The following CNTNAP4 variants were observed in gnomAD, a reference collection of about 807,000 sequenced individuals.
CNTNAP4 encodes contactin associated protein family member 4.
CNTNAP4 carries 98 observed loss-of-function variants against 148.4 expected under a neutral mutation model. That is an observed-to-expected ratio of 0.66 (90% confidence interval 0.56 to 0.78). The LOEUF (loss-of-function observed/expected upper bound fraction) is 0.78, where lower values mean the gene tolerates loss of function less well. Among genes scored for constraint, CNTNAP4 ranks in the 30% least tolerant of loss-of-function variants. The pLI is 0.00. For synonymous variants in CNTNAP4, 730 were observed against 565.1 expected (o/e 1.29, Z -4.14); for missense variants, 1,935 against 1,565.6 (o/e 1.24, Z -3.98).
chr16:76,544,220 T>C (rs1470551278), intron 21 of CNTNAP4, among the ~76,000 whole-genome samples: 1 of 152,146 alleles, frequency 6.6e-6, no homozygotes, highest in Non-Finnish European at 1.5e-5. Flanking sequence ...CTTTTTTTTT[T>C]TTGGAGTTGT....
chr16:76,538,332 C>T lies in CNTNAP4; in HGVS notation c.3212C>T (p.Ala1071Val). Reference sequence around the variant, plus strand: ...AAAGAATACCTTTCTGTGATCATTGCCAAAAATGGTGAGTTCTTTTTAGAT... The same window carrying T: ...AAAGAATACCTTTCTGTGATCATTGTCAAAAATGGTGAGTTCTTTTTAGAT... ...FYKEYLSVII[A>V]KNGSLQIRYK... The change falls in exon 19 of 24, where the codon GCC becomes GTC. Residue 1071 changes from alanine to valine, a missense_variant. By Grantham distance (64) the Ala-to-Val change is moderately conservative. Transcript: ENST00000611870. The T allele has an allele frequency of 1.3e-6, 2 of 1,598,896 alleles. No homozygotes were observed. Among genetic ancestry groups the T allele is most frequent in the Non-Finnish European group, 1.7e-6 (2 of 1,173,634 alleles).
intron 3 of CNTNAP4, among the ~76,000 whole-genome samples, chr16:76,367,968 C>T (rs1016124922): frequency 1.3e-5 from 2 of 152,168 alleles, no homozygotes; most frequent in Non-Finnish European, 2.9e-5. Context: ...CATTCTAATT[C>T]TGGTACCTAG....
At chr16:76,524,322 T>C (rs541527113) in intron 17 of CNTNAP4, among the ~76,000 whole-genome samples, 2 of 152,210 alleles carry the variant, frequency 1.3e-5, no homozygotes, top group African/African-American at 4.8e-5. Context: ...AGTCAGGAAA[T>C]TGACAAAGCT....
chr16:76,534,918 T>A (rs1016899677), intron 17 of CNTNAP4, among the ~76,000 whole-genome samples: 2 of 152,214 alleles, frequency 1.3e-5, no homozygotes, highest in African/African-American at 4.8e-5. Context: ...CTTATTTCTG[T>A]ATCGATCCCC....
At chr16:76,429,599 T>C (rs1220189970) in intron 4 of CNTNAP4, among the ~76,000 whole-genome samples, 1 of 152,142 alleles carries the variant, frequency 6.6e-6, no homozygotes, top group Admixed American at 6.5e-5. Context: ...AGCAACAGTT[T>C]AGTGGGACTG....
intron 4 of CNTNAP4, among the ~76,000 whole-genome samples, chr16:76,431,242 A>C (rs1231583886): frequency 6.6e-6 from 1 of 152,154 alleles, no homozygotes; most frequent in African/African-American, 2.4e-5. Context: ...TGCTGGAATG[A>C]TTATTTGAGT....
At chr16:76,280,893 C>G (rs558891802) in intron 1 of CNTNAP4, among the ~76,000 whole-genome samples, 3 of 152,206 alleles carry the variant, frequency 2.0e-5, no homozygotes, top group Admixed American at 6.5e-5. Context: ...GGAATGGGTA[C>G]AGTAGTAAGG....
chr16:76,437,383 T>A (rs970614607), intron 4 of CNTNAP4, among the ~76,000 whole-genome samples: 9 of 152,054 alleles, frequency 5.9e-5, no homozygotes, highest in Non-Finnish European at 1.3e-4. Flanking sequence ...TTACATGGAG[T>A]TATATTAAAA....
chr16:76,388,918 A>G (rs1299999184), intron 3 of CNTNAP4, among the ~76,000 whole-genome samples: 3 of 152,226 alleles, frequency 2.0e-5, no homozygotes, highest in Admixed American at 2.0e-4. Flanking sequence ...ATAATATTTA[A>G]CAAGGAGTTC....
chr16:76,475,939 G>T lies in CNTNAP4; in HGVS notation c.1656G>T (p.Arg552Ser). 3.7e-6 allele frequency: 6 copies of T among 1,611,180 alleles called. No individual in the cohort carries two copies. The highest frequency in any genetic ancestry group is 5.1e-6 in the Non-Finnish European group (6 of 1,177,484). ...LQIDSCGISDRCLPNYCEHGG... is the reference protein window; with the variant it reads ...LQIDSCGISDSCLPNYCEHGG... ...TGATTGTATCTGCACCTTCTTTTAG[G>T]TGTTTGCCCAACTATTGTGAACACG... Residue 552 changes from arginine (R) to serine (S), a missense_variant and splice_region_variant, in exon 11 of 24, where the codon AGG becomes AGT. By Grantham distance (110) the Arg-to-Ser change is moderately radical. Transcript: ENST00000611870.
At chr16:76,516,923 G>A (rs1377618368) in intron 15 of CNTNAP4, among the ~76,000 whole-genome samples, 3 of 152,102 alleles carry the variant, frequency 2.0e-5, no homozygotes, top group African/African-American at 4.8e-5. Flanking sequence ...AATTAGCCAG[G>A]CATAGTGGTG....
At chr16:76,499,766 C>CGAGTATG (rs1243985235) in intron 15 of CNTNAP4, among the ~76,000 whole-genome samples, 4 of 138,556 alleles carry the variant, frequency 2.9e-5, no homozygotes, top group Non-Finnish European at 6.4e-5. Context: ...TGACTCTTAA[C>CGAGTATG]GAGTATGCTG....
chr16:76,433,825 A>G (rs2079705328), intron 4 of CNTNAP4, among the ~76,000 whole-genome samples: 1 of 152,258 alleles, frequency 6.6e-6, no homozygotes, highest in Admixed American at 6.5e-5. Flanking sequence ...TAGTTCTTAC[A>G]CTCAGATTAT....
intron 12 of CNTNAP4, 136 bp downstream of exon 12, chr16:76,479,674 A>T: frequency 2.4e-6 from 2 of 834,262 alleles, no homozygotes; most frequent in Non-Finnish European, 1.8e-6. Context: ...GAAAAACTGA[A>T]CATAAATCTT....
chr16:76,436,640 T>A (rs11149900), intron 4 of CNTNAP4, among the ~76,000 whole-genome samples: 54,800 of 151,940 alleles, frequency 0.36, 10,488 homozygotes, highest in Middle Eastern at 0.51. Flanking sequence ...ACCAGCTTCA[T>A]TATGTTCCTT....
At chr16:76,468,961 T>C (rs189697175) in intron 10 of CNTNAP4, among the ~76,000 whole-genome samples, 2 of 152,324 alleles carry the variant, frequency 1.3e-5, no homozygotes, top group Admixed American at 1.3e-4. Context: ...ATGTTCAATA[T>C]GTATTTTGAA....
chr16:76,481,612 G>A (rs1306841125), intron 12 of CNTNAP4, among the ~76,000 whole-genome samples: 1 of 152,170 alleles, frequency 6.6e-6, no homozygotes, highest in Non-Finnish European at 1.5e-5. Flanking sequence ...CATTGTAGAT[G>A]TAGAACCTTG....
chr16:76,303,761 A>G (rs1314512599), intron 1 of CNTNAP4, among the ~76,000 whole-genome samples: 1 of 152,242 alleles, frequency 6.6e-6, no homozygotes, highest in African/African-American at 2.4e-5. Context: ...AGATGTAAAG[A>G]AAACTATGGT....
At chr16:76,347,633 ATT>A (rs1343405430) in intron 2 of CNTNAP4, among the ~76,000 whole-genome samples, 2 of 152,148 alleles carry the variant, frequency 1.3e-5, no homozygotes, top group African/African-American at 2.4e-5. Context: ...ACAGGGTAAT[ATT>A]CGAGCAAGAG....
Sources: allele counts gnomAD v4.1 joint callset (sites outside exome capture counted in the v4.1 genomes callset), GRCh38; gene constraint gnomAD v4.1.1; transcripts MANE v1.5; gene names NCBI Gene and HGNC (gene_info 2026-07-23, HGNC 2026-07-21).